Variants in ABCC1 observed in about 807,000 individuals in gnomAD.
The protein encoded by ABCC1 is multidrug resistance-associated protein 1.
In ABCC1, 83 loss-of-function variants were observed where a neutral mutation model predicts 172.9. The ratio of observed to expected loss-of-function variants is 0.48; its 90% CI spans 0.40 to 0.58. ABCC1 has a LOEUF of 0.58. ABCC1 is among the 20% of genes least tolerant of loss of function. The probability of loss-of-function intolerance (pLI) is 0.00; values close to 1 mark genes in which losing one functional copy is unlikely to be tolerated. For synonymous variants in ABCC1, 937 were observed against 825.2 expected, an observed-to-expected ratio of 1.14 and a Z score of -2.32; for missense variants, 1,817 against 2,002.7, an observed-to-expected ratio of 0.91 and a Z score of 1.77.
chr16:16,135,620 T>C (rs1411023507), intron 28 of ABCC1, among the ~76,000 whole-genome samples: 1 of 152,070 alleles, frequency 6.6e-6, no homozygotes, highest in Non-Finnish European at 1.5e-5. Flanking sequence ...CATGCGTGGC[T>C]AGTTTTTGTA....
At chr16:15,987,935 CT>C in intron 1 of ABCC1, among the ~76,000 whole-genome samples, 2 of 152,128 alleles carry the variant, frequency 1.3e-5, no homozygotes, top group Admixed American at 6.5e-5. Flanking sequence ...GTTTACTCCT[CT>C]GTTTCCTTCC....
intron 19 of ABCC1, among the ~76,000 whole-genome samples, chr16:16,095,743 C>T (rs1205727099): frequency 6.7e-6 from 1 of 148,714 alleles, no homozygotes; most frequent in Non-Finnish European, 1.5e-5. Flanking sequence ...CCAGGCTGGT[C>T]TCGAACTCCT....
intron 1 of ABCC1, among the ~76,000 whole-genome samples, chr16:15,951,387 T>A (rs1367788122): frequency 6.6e-6 from 1 of 152,188 alleles, no homozygotes; most frequent in African/African-American, 2.4e-5. Context: ...AGTTGTAATA[T>A]TTTTTAAAAT....
At chr16:16,105,714 CTTTTTT>C (rs71137912) in intron 20 of ABCC1, among the ~76,000 whole-genome samples, 3 of 130,396 alleles carry the variant, frequency 2.3e-5, no homozygotes, top group Non-Finnish European at 4.8e-5. Context: ...CTTTTCTTTT[CTTTTTT>C]TTTTTTTTTT....
At chr16:16,138,616 C>T in intron 30 of ABCC1, 58 bp downstream of exon 30, 2 of 1,380,164 alleles carry the variant, frequency 1.4e-6, no homozygotes, top group Non-Finnish European at 1.9e-6. Context: ...CTCACTGGCT[C>T]ACTCATTAAT....
At chr16:16,084,767 C>T (rs917322876) in intron 17 of ABCC1, among the ~76,000 whole-genome samples, 12 of 152,102 alleles carry the variant, frequency 7.9e-5, no homozygotes, top group Non-Finnish European at 1.6e-4. Flanking sequence ...ACTACAGGCC[C>T]CTGCCACCAC....
At chr16:16,105,520 A>C (rs560886067) in intron 20 of ABCC1, 1 of 152,302 alleles carries the variant, frequency 6.6e-6, no homozygotes. Flanking sequence ...GTGGAGGTTT[A>C]TTCGGCCTTC....
intron 14 of ABCC1, 103 bp from the exon 15 acceptor site, chr16:16,076,223 C>A: frequency 8.8e-7 from 1 of 1,138,858 alleles, no homozygotes; most frequent in Non-Finnish European, 1.3e-6. Flanking sequence ...GCCATTCGTG[C>A]CAAGCGTCTG....
intron 1 of ABCC1, among the ~76,000 whole-genome samples, chr16:15,985,955 G>C (rs558677456): frequency 6.6e-5 from 10 of 151,750 alleles, no homozygotes; most frequent in African/African-American, 2.4e-4. Context: ...ACCCCTGCTT[G>C]TGTTGTCAAA....
chr16:16,008,107 C>G (rs2047623467), intron 2 of ABCC1, 115 bp downstream of exon 2: 2 of 1,067,208 alleles, frequency 1.9e-6, no homozygotes, highest in African/African-American at 1.6e-5. Flanking sequence ...GTTCCTTCTT[C>G]TAGAAGGCAG....
chr16:16,097,079 T>C (rs567910034), intron 19 of ABCC1, among the ~76,000 whole-genome samples: 10 of 152,234 alleles, frequency 6.6e-5, no homozygotes, highest in Admixed American at 3.3e-4. Flanking sequence ...TCTCTTCCTT[T>C]GGAATTTAAG....
At chr16:15,957,844 G>A (rs1265690001) in intron 1 of ABCC1, among the ~76,000 whole-genome samples, 1 of 152,162 alleles carries the variant, frequency 6.6e-6, no homozygotes, top group Non-Finnish European at 1.5e-5. Context: ...CGCCCGCCTC[G>A]GCCTCCTAAA....
chr16:16,124,400 T>TGTGG (rs1555502642), intron 24 of ABCC1, among the ~76,000 whole-genome samples: 1,337 of 130,198 alleles, frequency 0.01, 30 homozygotes, highest in African/African-American at 0.011. Context: ...TGTGTGTGTG[T>TGTGG]GTGTGTGTGT....
intron 1 of ABCC1, among the ~76,000 whole-genome samples, chr16:15,958,568 G>T (rs1313085891): frequency 6.6e-6 from 1 of 152,172 alleles, no homozygotes; most frequent in Non-Finnish European, 1.5e-5. Context: ...GATTTTCATG[G>T]CGAAGTAAGG....
At position 16,091,783 on chromosome 16, in the gene ABCC1, A is replaced by G. The variant is rs140132648; in HGVS notation, c.2644+1195A>G. Among the ~76,000 whole-genome samples, 3 of 152,320 alleles carry G rather than the reference A, an allele frequency of 2.0e-5. No individual in the cohort carries two copies. In the East Asian group the frequency reaches 5.8e-4, roughly 29 times the overall value. ...GTCTAACTGCCCTGGGAAGCCACTG[A>G]GTGTCAGAGAGGCAAAGTGACCAGC... On this transcript the variant is annotated intron_variant, in intron 19 of 30. Transcript: ENST00000399410.
intron 23 of ABCC1, among the ~76,000 whole-genome samples, chr16:16,116,371 C>G (rs1205008687): frequency 1.3e-5 from 2 of 152,080 alleles, no homozygotes; most frequent in African/African-American, 4.8e-5. Flanking sequence ...TAAGACTCCC[C>G]CAATGGATGC....
At chr16:15,998,329 G>T (rs897399325) in intron 1 of ABCC1, among the ~76,000 whole-genome samples, 1 of 151,960 alleles carries the variant, frequency 6.6e-6, no homozygotes, top group African/African-American at 2.4e-5. Flanking sequence ...GTCTTACTTT[G>T]TTGCCCAGGC....
At chr16:16,045,709 A>C (rs1012762835) in intron 8 of ABCC1, 127 bp from the exon 9 acceptor site, 1 of 945,646 alleles carries the variant, frequency 1.1e-6, no homozygotes, top group Admixed American at 2.5e-5. Flanking sequence ...TTTTCCATCT[A>C]TGAAATTGAA....
At chr16:16,033,669 C>A (rs1035591768) in intron 6 of ABCC1, among the ~76,000 whole-genome samples, 5 of 151,722 alleles carry the variant, frequency 3.3e-5, no homozygotes, top group East Asian at 1.9e-4. Flanking sequence ...TTTTTTGAGA[C>A]GGAGTCTTAC....
Sources: allele counts gnomAD v4.1 joint callset (sites outside exome capture counted in the v4.1 genomes callset), GRCh38; gene constraint gnomAD v4.1.1; transcripts MANE v1.5; gene names NCBI Gene and HGNC (gene_info 2026-07-23, HGNC 2026-07-21).